Variants in HS6ST3 observed in about 807,000 individuals in gnomAD.
The protein encoded by HS6ST3 is heparan-sulfate 6-O-sulfotransferase 3.
In HS6ST3, 12 loss-of-function variants were observed where a neutral mutation model predicts 36.7. The observed-to-expected ratio is 0.33, with a 90% CI of 0.21 to 0.53. The LOEUF is 0.53. Among genes scored for constraint, HS6ST3 ranks in the 20% least tolerant of loss-of-function variants. The pLI is 0.95. For synonymous variants in HS6ST3, 240 were observed against 257.5 expected, an observed-to-expected ratio of 0.93 and a Z score of 0.65; for missense variants, 584 against 640.9, an observed-to-expected ratio of 0.91 and a Z score of 0.96.
intron 1 of HS6ST3, among the ~76,000 whole-genome samples, chr13:96,177,326 G>A (rs538668408): frequency 6.6e-6 from 1 of 152,204 alleles, no homozygotes; most frequent in South Asian, 2.1e-4. Flanking sequence ...GCACATAAAT[G>A]TTCATCACAG....
intron 1 of HS6ST3, among the ~76,000 whole-genome samples, chr13:96,142,138 C>T (rs1417270152): frequency 2.0e-5 from 3 of 150,940 alleles, no homozygotes; most frequent in South Asian, 4.2e-4. Context: ...ATATTTTGAG[C>T]CTGAAGAAAT....
chr13:96,202,024 A>G (rs1047544930), intron 1 of HS6ST3, among the ~76,000 whole-genome samples: 1 of 152,358 alleles, frequency 6.6e-6, no homozygotes. Flanking sequence ...GAGTTTGAAT[A>G]TCCAAACCAT....
At chr13:96,754,184 T>C (rs1876769035) in intron 1 of HS6ST3, among the ~76,000 whole-genome samples, 1 of 152,210 alleles carries the variant, frequency 6.6e-6, no homozygotes, top group South Asian at 2.1e-4. Context: ...CCCCTTTTTA[T>C]TTCTACCTTT....
chr13:96,613,624 T>G (rs2056463582), intron 1 of HS6ST3, among the ~76,000 whole-genome samples: 1 of 152,244 alleles, frequency 6.6e-6, no homozygotes, highest in Admixed American at 6.5e-5. Context: ...TCAATCACTA[T>G]GTACTATTCC....
intron 1 of HS6ST3, among the ~76,000 whole-genome samples, chr13:96,230,109 T>A (rs2054500638): frequency 6.6e-6 from 1 of 152,134 alleles, no homozygotes; most frequent in Non-Finnish European, 1.5e-5. Flanking sequence ...TTTGAAAGAT[T>A]TTTCATATTA....
intron 1 of HS6ST3, among the ~76,000 whole-genome samples, chr13:96,412,775 A>G (rs1448778089): frequency 2.0e-5 from 3 of 151,896 alleles, no homozygotes; most frequent in Non-Finnish European, 4.4e-5. Flanking sequence ...AAGGTTTTAA[A>G]GGAAATAAAT....
At chr13:96,099,456 C>G (rs1029123203) in intron 1 of HS6ST3, among the ~76,000 whole-genome samples, 1 of 151,498 alleles carries the variant, frequency 6.6e-6, no homozygotes, top group Non-Finnish European at 1.5e-5. Flanking sequence ...CAGTCTTTTT[C>G]CCCCCCAGCA....
chr13:96,704,713 G>GGAAC (rs760062432), intron 1 of HS6ST3, among the ~76,000 whole-genome samples: 4 of 152,174 alleles, frequency 2.6e-5, no homozygotes, highest in East Asian at 3.9e-4. Context: ...TATAAAAACT[G>GGAAC]GAACGCCAGG....
intron 1 of HS6ST3, among the ~76,000 whole-genome samples, chr13:96,393,164 C>T (rs934890680): frequency 3.3e-5 from 5 of 152,278 alleles, no homozygotes; most frequent in East Asian, 1.9e-4. Flanking sequence ...ATTGTGAGGC[C>T]TCCCCAGCCA....
At chr13:96,143,532 A>G (rs935720498) in intron 1 of HS6ST3, among the ~76,000 whole-genome samples, 4 of 151,392 alleles carry the variant, frequency 2.6e-5, no homozygotes, top group Non-Finnish European at 5.9e-5. Flanking sequence ...GCAAATGATT[A>G]TAATTGAATT....
intron 1 of HS6ST3, among the ~76,000 whole-genome samples, chr13:96,777,216 C>G (rs1877410142): frequency 6.6e-6 from 1 of 152,172 alleles, no homozygotes; most frequent in Non-Finnish European, 1.5e-5. Flanking sequence ...CTATTCATGA[C>G]AAAGCCATAG....
At chr13:96,093,564 C>CT (rs2053775502) in intron 1 of HS6ST3, among the ~76,000 whole-genome samples, 1 of 35,494 alleles carries the variant, frequency 2.8e-5, no homozygotes, top group Non-Finnish European at 7.2e-5. Flanking sequence ...GTTCTGGTTT[C>CT]CTTTCTTTCT....
intron 1 of HS6ST3, among the ~76,000 whole-genome samples, chr13:96,460,388 C>A (rs1381524642): frequency 6.6e-6 from 1 of 152,122 alleles, no homozygotes; most frequent in Non-Finnish European, 1.5e-5. Context: ...GAGAAAAATT[C>A]TTTTAGTTTG....
At chr13:96,658,061 T>C (rs1480099253) in intron 1 of HS6ST3, among the ~76,000 whole-genome samples, 1 of 152,120 alleles carries the variant, frequency 6.6e-6, no homozygotes, top group Non-Finnish European at 1.5e-5. Flanking sequence ...ATTTCTGCCA[T>C]CACTTGTTAA....
chr13:96,563,063 C>G (rs1021589287), intron 1 of HS6ST3, among the ~76,000 whole-genome samples: 1 of 149,654 alleles, frequency 6.7e-6, no homozygotes, highest in Non-Finnish European at 1.5e-5. Context: ...AAAAAAAGTC[C>G]AAGGCTGGAA....
intron 1 of HS6ST3, among the ~76,000 whole-genome samples, chr13:96,471,294 C>G (rs557080029): frequency 6.6e-6 from 1 of 152,240 alleles, no homozygotes; most frequent in South Asian, 2.1e-4. Context: ...ATGTTTTAGC[C>G]CAATTTTTTT....
At chr13:96,482,495 C>T (rs1472793383) in intron 1 of HS6ST3, among the ~76,000 whole-genome samples, 2 of 150,598 alleles carry the variant, frequency 1.3e-5, no homozygotes, top group Non-Finnish European at 2.9e-5. Context: ...TTAGAGGTAG[C>T]CTTGTCTGTC....
intron 1 of HS6ST3, among the ~76,000 whole-genome samples, chr13:96,638,054 T>A (rs1246740555): frequency 6.6e-6 from 1 of 152,146 alleles, no homozygotes; most frequent in African/African-American, 2.4e-5. Flanking sequence ...TTCCCTCATG[T>A]GACCAACCAC....
intron 1 of HS6ST3, among the ~76,000 whole-genome samples, chr13:96,114,865 A>C (rs2053886633): frequency 6.6e-6 from 1 of 152,252 alleles, no homozygotes; most frequent in Non-Finnish European, 1.5e-5. Flanking sequence ...AGCTATTGAC[A>C]CTGGACCATG....
Sources: allele counts gnomAD v4.1 joint callset (sites outside exome capture counted in the v4.1 genomes callset), GRCh38; gene constraint gnomAD v4.1.1; transcripts MANE v1.5; gene names NCBI Gene and HGNC (gene_info 2026-07-23, HGNC 2026-07-21).